The following LRRC15 variants were observed in gnomAD, a reference collection of about 807,000 sequenced individuals.
LRRC15 encodes the protein leucine-rich repeat-containing protein 15.
LRRC15 carries 5 observed loss-of-function variants against 4.3 expected under a neutral mutation model. That is an observed-to-expected ratio of 1.16 (90% CI 0.61 to 2.44). The LOEUF (loss-of-function observed/expected upper bound fraction) is 2.44, where lower values mean the gene tolerates loss of function less well. LRRC15 is among the 30% of genes most tolerant of loss of function. LRRC15 has a pLI of 0.01. For missense variants in LRRC15, 769 were observed against 747.0 expected, an observed-to-expected ratio of 1.03 and a Z score of -0.34; for synonymous variants, 337 against 323.2, an observed-to-expected ratio of 1.04 and a Z score of -0.46.
rs998164466 is a variant in LRRC15 at position 194,365,369 on chromosome 3, G to A, written c.-4+4292C>T. 6.5e-4 allele frequency among the ~76,000 whole-genome samples: 99 copies of A among 151,934 alleles called. 2 individuals carry two copies. The highest frequency in any genetic ancestry group is 1.3e-4 in the Non-Finnish European group (9 of 67,808). ...GAGCAAACGCGTAATTAGCCTCGAA[G>A]CCCTGGGCTTTGTTGGTTGGTGGGT... On this transcript the variant is annotated intron_variant, in intron 1 of 1. Transcript: ENST00000347624.
intron 1 of LRRC15, among the ~76,000 whole-genome samples, chr3:194,362,939 G>GTTTTTTT (rs140437995): frequency 1.5e-4 from 12 of 78,362 alleles, no homozygotes; most frequent in East Asian, 6.0e-4. Context: ...CCTTGATTTT[G>GTTTTTTT]TTTTTTTTTT....
At chr3:194,362,246 C>G (rs1713649268) in intron 1 of LRRC15, among the ~76,000 whole-genome samples, 1 of 152,122 alleles carries the variant, frequency 6.6e-6, no homozygotes, top group South Asian at 2.1e-4. Flanking sequence ...AGCTTGAGGC[C>G]TGCAAGCTTC....
intron 1 of LRRC15, among the ~76,000 whole-genome samples, chr3:194,368,035 G>A (rs528288789): frequency 1.1e-3 from 172 of 152,274 alleles, no homozygotes; most frequent in Non-Finnish European, 1.7e-3. Flanking sequence ...CAGCAGCCAC[G>A]GGCTACAAAC....
rs897587476 is a variant in LRRC15 at position 194,356,071 on chromosome 3, G to A, written c.*3227C>T. 1.3e-5 allele frequency: 2 copies of A among 152,188 alleles called. No homozygotes were observed. The highest frequency in any genetic ancestry group is 2.9e-5 in the Non-Finnish European group (2 of 68,044). The allele number at this position is 152,188 out of a possible 1,614,324, so 9.4% of individuals were successfully genotyped here. A position where few individuals can be genotyped will look rare whatever the true frequency, so the allele number is the denominator to read the frequency against. On this transcript the variant is annotated 3_prime_UTR_variant, in exon 2 of 2. Coordinates refer to ENST00000347624, the MANE Select transcript of LRRC15 (RefSeq NM_130830.5). The stretch of plus-strand genomic sequence containing the variant: ...GACGAAAGCCCAAGACAAGCCATGA[G>A]CTCTTGTACAAAGTTTGAAGAGATA...
At chr3:194,365,354 G>A (rs4974514) in intron 1 of LRRC15, among the ~76,000 whole-genome samples, 57,746 of 151,854 alleles carry the variant, frequency 0.38, 11,740 homozygotes, top group African/African-American at 0.47. Flanking sequence ...GAGCAAACGC[G>A]TAATTAGCCT....
At chr3:194,363,576 C>T (rs1456240779) in intron 1 of LRRC15, among the ~76,000 whole-genome samples, 1 of 152,158 alleles carries the variant, frequency 6.6e-6, no homozygotes, top group African/African-American at 2.4e-5. Flanking sequence ...AGGCTGCCCA[C>T]AAAAGCTAGT....
chr3:194,359,258 C>A lies in LRRC15; in HGVS notation c.*40G>T. On this transcript the variant is annotated 3_prime_UTR_variant, in exon 2 of 2. Coordinates refer to ENST00000347624, the MANE Select transcript of LRRC15 (RefSeq NM_130830.5). ...CAGAAAGATGAAATTCCCAGGTCCT[C>A]CAGTCCCATCATTCCCCAGCCCTGC... 1 of 1,505,762 alleles carries A rather than the reference C, an allele frequency of 6.6e-7. No individual in the cohort carries two copies. Among genetic ancestry groups the A allele is most frequent in the African/African-American group, 1.4e-5 (1 of 71,646 alleles). 93.3% of individuals were successfully genotyped at this position (1,505,762 alleles called of 1,614,324 possible). A position where few individuals can be genotyped will look rare whatever the true frequency, so the allele number is the denominator to read the frequency against.
chr3:194,369,193 C>T (rs12635704), intron 1 of LRRC15, among the ~76,000 whole-genome samples: 21 of 152,368 alleles, frequency 1.4e-4, no homozygotes, highest in East Asian at 1.3e-3. Context: ...GAACCAAATG[C>T]GGGGCAGACC....
chr3:194,367,541 C>T (rs949884880), intron 1 of LRRC15, among the ~76,000 whole-genome samples: 1 of 152,278 alleles, frequency 6.6e-6, no homozygotes, highest in East Asian at 1.9e-4. Context: ...CTCCTGACCT[C>T]ATGATCCTCC....
Position 194,356,698 on chromosome 3 carries a change from A to G in LRRC15, c.*2600T>C, listed in dbSNP as rs1713438850. The G allele has an allele frequency of 6.6e-6, 1 of 152,276 alleles. No individual in the cohort carries two copies. 9.4% of individuals were successfully genotyped at this position (152,276 alleles called of 1,614,324 possible). ...TCTGGCTGGAGAGGAAGGTGCTCCA[A>G]TGTCATGGCTACTGCCAGGAATACC... On this transcript the variant is annotated 3_prime_UTR_variant, in exon 2 of 2. Transcript: ENST00000347624.
At position 194,360,852 on chromosome 3, in the gene LRRC15, G is replaced by GTGCGT. The variant is rs1172560802; in HGVS notation, c.187_191dup (p.His64GlnfsTer21). 6.2e-7 allele frequency: 1 copy of GTGCGT among 1,612,044 alleles called. No individual in the cohort carries two copies. Among genetic ancestry groups the GTGCGT allele is most frequent in the African/African-American group, 1.3e-5 (1 of 75,022 alleles). On this transcript the variant is annotated frameshift_variant, in exon 2 of 2. Transcript: ENST00000347624. LOFTEE classifies it low-confidence loss of function (END_TRUNC). The stretch of plus-strand genomic sequence containing the variant: ...ACGGGGACTCATTGAGTTCAGTGAT[G>GTGCGT]TGCGTGTTGAGGATCTGCAGGCTCA...
chr3:194,363,084 G>A (rs1233176754), intron 1 of LRRC15, among the ~76,000 whole-genome samples: 1 of 151,960 alleles, frequency 6.6e-6, no homozygotes, highest in East Asian at 1.9e-4. Context: ...TGGAATTAAG[G>A]CGCATGCCAC....
At chr3:194,366,344 A>G (rs1409563799) in intron 1 of LRRC15, among the ~76,000 whole-genome samples, 1 of 152,266 alleles carries the variant, frequency 6.6e-6, no homozygotes, top group African/African-American at 2.4e-5. Flanking sequence ...TGAGGACCCA[A>G]TAAACGTTTG....
chr3:194,366,338 G>A (rs1560048015), intron 1 of LRRC15, among the ~76,000 whole-genome samples: 1 of 152,252 alleles, frequency 6.6e-6, no homozygotes, highest in Non-Finnish European at 1.5e-5. Context: ...ACAAAGTGAG[G>A]ACCCAATAAA....
At chr3:194,363,406 G>C in intron 1 of LRRC15, 1 of 696,860 alleles carries the variant, frequency 1.4e-6, no homozygotes, top group Non-Finnish European at 2.6e-6. Flanking sequence ...TTATGCTAGG[G>C]ACACATCTGA....
chr3:194,359,784 C>T lies in LRRC15; in HGVS notation c.1260G>A (p.Leu420=), dbSNP rs1301994836. Residue 420 remains leucine, a synonymous_variant, in exon 2 of 2, where the codon CTG becomes CTA. Coordinates refer to ENST00000347624, the MANE Select transcript of LRRC15 (RefSeq NM_130830.5). ...DHLGKLCELR[L]YDNPWRCDSD... Reference sequence around the variant, plus strand: ...AGTCACACCTCCAGGGATTGTCATACAGCCGCAGCTCACACAGTTTCCCCA... The same window carrying T: ...AGTCACACCTCCAGGGATTGTCATATAGCCGCAGCTCACACAGTTTCCCCA... 1.2e-6 allele frequency: 2 copies of T among 1,614,000 alleles called. No homozygotes were observed. The highest frequency in any genetic ancestry group is 1.7e-6 in the Non-Finnish European group (2 of 1,180,012).
At chr3:194,362,002 G>C (rs1158849594) in intron 1 of LRRC15, among the ~76,000 whole-genome samples, 1 of 152,162 alleles carries the variant, frequency 6.6e-6, no homozygotes, top group Non-Finnish European at 1.5e-5. Context: ...TAAGTTCCAG[G>C]AAACCTACTG....
intron 1 of LRRC15, chr3:194,363,355 C>A (rs1349452155): frequency 1.4e-6 from 1 of 714,204 alleles, no homozygotes; most frequent in Non-Finnish European, 2.6e-6. Flanking sequence ...AAAAAGAATA[C>A]CTTGTCCAAA....
intron 1 of LRRC15, among the ~76,000 whole-genome samples, chr3:194,363,572 C>T (rs1043521625): frequency 6.6e-6 from 1 of 152,130 alleles, no homozygotes; most frequent in Admixed American, 6.5e-5. Flanking sequence ...AAGGAGGCTG[C>T]CCACAAAAGC....
Sources: gnomAD v4.1 joint callset for allele counts (sites outside exome capture counted in the v4.1 genomes callset) on GRCh38, gnomAD v4.1.1 for gene constraint, MANE v1.5 for transcripts, NCBI Gene and HGNC (gene_info 2026-07-23, HGNC 2026-07-21) for gene names.